Variants in GRM7 observed in about 807,000 individuals in gnomAD.
GRM7 encodes the protein metabotropic glutamate receptor 7.
GRM7 carries 35 observed loss-of-function variants against 84.5 expected under a neutral mutation model. The ratio of observed to expected loss-of-function variants is 0.41; its 90% CI spans 0.32 to 0.55. GRM7 has a LOEUF of 0.55. GRM7 is among the 20% of genes least tolerant of loss of function. The pLI, the probability that GRM7 is intolerant of heterozygous loss-of-function variation, is 0.19. For missense variants in GRM7, 1,003 were observed against 1,194.6 expected (o/e 0.84, Z 2.36); for synonymous variants, 487 against 455.1 (o/e 1.07, Z -0.89).
chr3:7,224,810 G>A (rs1044621802), intron 2 of GRM7, among the ~76,000 whole-genome samples: 1 of 152,056 alleles, frequency 6.6e-6, no homozygotes. Context: ...TGTAGTGGGA[G>A]GGGTGCAAGG....
chr3:7,686,559 G>A, intron 9 of GRM7: 2 of 600,798 alleles, frequency 3.3e-6, no homozygotes. Flanking sequence ...TCTATAGGAA[G>A]AAATGAATTT....
intron 1 of GRM7, among the ~76,000 whole-genome samples, chr3:6,951,276 T>A (rs896566690): frequency 1.3e-5 from 2 of 152,236 alleles, no homozygotes; most frequent in African/African-American, 2.4e-5. Context: ...TTAAAATTTT[T>A]ATACTATCAT....
chr3:7,026,426 T>A (rs969362342), intron 1 of GRM7, among the ~76,000 whole-genome samples: 1 of 152,258 alleles, frequency 6.6e-6, no homozygotes, highest in Non-Finnish European at 1.5e-5. Context: ...CACTTACTCT[T>A]GATTATAAAT....
chr3:7,736,013 A>T (rs1437431946), intron 9 of GRM7, among the ~76,000 whole-genome samples: 1 of 152,174 alleles, frequency 6.6e-6, no homozygotes, highest in Non-Finnish European at 1.5e-5. Flanking sequence ...GTGTTGTCTG[A>T]GAGTTCTCAC....
At chr3:7,639,027 A>G (rs1235288733) in intron 8 of GRM7, among the ~76,000 whole-genome samples, 3 of 152,050 alleles carry the variant, frequency 2.0e-5, no homozygotes, top group Non-Finnish European at 4.4e-5. Flanking sequence ...ATTATTTTCC[A>G]TTTCCTAATT....
chr3:7,110,562 TCCA>T (rs1692810202), intron 1 of GRM7, among the ~76,000 whole-genome samples: 1 of 150,540 alleles, frequency 6.6e-6, no homozygotes, highest in Admixed American at 6.7e-5. Flanking sequence ...GCCACTATAC[TCCA>T]ACCTGGGCAA....
At chr3:7,688,452 AATAATT>A (rs1459736337) in intron 9 of GRM7, among the ~76,000 whole-genome samples, 1 of 152,056 alleles carries the variant, frequency 6.6e-6, no homozygotes, top group Non-Finnish European at 1.5e-5. Context: ...AAATACAAAT[AATAATT>A]ATATTTGGTT....
chr3:7,439,657 A>G (rs1382970254), intron 5 of GRM7, among the ~76,000 whole-genome samples: 2 of 152,184 alleles, frequency 1.3e-5, no homozygotes, highest in Non-Finnish European at 2.9e-5. Flanking sequence ...ACAGGGAGAA[A>G]CAAATTAGAG....
At position 7,124,849 on chromosome 3, in the gene GRM7, C is replaced by T. The variant is rs181406200; in HGVS notation, c.520-21603C>T. Among the ~76,000 whole-genome samples the T allele has an allele frequency of 2.0e-4, 30 of 152,282 alleles. No individual in the cohort carries two copies. The East Asian group carries it at 4.6e-3, about 24-fold the overall frequency. ...ATATCTTATATTTCATGATTTAAAA[C>T]ATTAATGAAATATAGCCATGTTCCA... On this transcript the variant is annotated intron_variant, in intron 1 of 9. Coordinates refer to ENST00000357716, the MANE Select transcript of GRM7 (RefSeq NM_000844.4).
chr3:7,447,169 C>T lies in GRM7; in HGVS notation c.1175-5438C>T, dbSNP rs143786668. Among the ~76,000 whole-genome samples, 17 of 152,112 alleles carry T rather than the reference C, an allele frequency of 1.1e-4. No homozygotes were observed. In the East Asian group the frequency reaches 3.3e-3, roughly 29 times the overall value. ...TTTTATCTAAACCGCAGACTCTTTC[C>T]TAGAAAACGTGATGAAAAGGATGAA... On this transcript the variant is annotated intron_variant, in intron 5 of 9. Transcript: ENST00000357716.
intron 7 of GRM7, among the ~76,000 whole-genome samples, chr3:7,540,070 A>G (rs1444978110): frequency 6.6e-6 from 1 of 152,260 alleles, no homozygotes; most frequent in Non-Finnish European, 1.5e-5. Context: ...TAATCAAAAG[A>G]CAGACTATAA....
rs180924684 is a variant in GRM7 at position 6,918,296 on chromosome 3, C to G, written c.519+56389C>G. Among the ~76,000 whole-genome samples the G allele has an allele frequency of 1.7e-4, 26 of 152,234 alleles. 1 individual carries two copies. The East Asian group carries it at 4.6e-3, about 27-fold the overall frequency. On this transcript the variant is annotated intron_variant, in intron 1 of 9. Coordinates refer to ENST00000357716, the MANE Select transcript of GRM7 (RefSeq NM_000844.4). ...CTTAAGCCTTCAGTTCATTTTTACACGAGAATTTTTGCCTATCGCCTTGTA... is the reference window on the plus strand; with the variant it reads ...CTTAAGCCTTCAGTTCATTTTTACAGGAGAATTTTTGCCTATCGCCTTGTA...
In GRM7 at chr3:7,492,954, A is replaced by G. The variant is rs898060291; in HGVS notation, c.1515+31232A>G. 4.0e-5 allele frequency among the ~76,000 whole-genome samples: 6 copies of G among 151,890 alleles called. 1 individual carries two copies. In the East Asian group the frequency reaches 1.2e-3, roughly 29 times the overall value. ...TAATTCATTAATTATTTACAAGTGT[A>G]TTGTTTAATTGCTACACATTGAGAG... On this transcript the variant is annotated intron_variant, in intron 7 of 9. Transcript: ENST00000357716.
intron 2 of GRM7, among the ~76,000 whole-genome samples, chr3:7,167,095 T>C (rs1005667983): frequency 5.3e-5 from 8 of 152,252 alleles, no homozygotes; most frequent in African/African-American, 1.9e-4. Flanking sequence ...CACTGTTCTA[T>C]TGGTAATGGA....
At position 6,862,739 on chromosome 3, in the gene GRM7, A is replaced by G. The variant is rs900599144; in HGVS notation, c.519+832A>G. The G allele has an allele frequency of 4.0e-6, 1 of 247,930 alleles. No individual in the cohort carries two copies. The highest frequency in any genetic ancestry group is 7.9e-6 in the Non-Finnish European group (1 of 125,906). The allele number at this position is 247,930 out of a possible 1,614,324, so 15.4% of individuals were successfully genotyped here. On this transcript the variant is annotated intron_variant, in intron 1 of 9. Coordinates refer to ENST00000357716, the MANE Select transcript of GRM7 (RefSeq NM_000844.4). This position sits in a 1 kb window ranked among gnomAD's most constrained non-coding sequence, Gnocchi z 5.2. ...CTCCCTCCTCCCCCCCGCCCCCCTCACCCACTATCTCCCTGACGCAGACCC... is the reference window on the plus strand; with the variant it reads ...CTCCCTCCTCCCCCCCGCCCCCCTCGCCCACTATCTCCCTGACGCAGACCC...
At chr3:7,281,906 C>G (rs1440737304) in intron 2 of GRM7, among the ~76,000 whole-genome samples, 2 of 152,150 alleles carry the variant, frequency 1.3e-5, no homozygotes, top group African/African-American at 2.4e-5. Context: ...CAGGGTGAAA[C>G]CCCGTCCCTA....
At position 7,486,955 on chromosome 3, in the gene GRM7, A is replaced by G. The variant is rs959650079; in HGVS notation, c.1515+25233A>G. 1.3e-5 allele frequency among the ~76,000 whole-genome samples: 2 copies of G among 152,180 alleles called. No individual in the cohort carries two copies. Among genetic ancestry groups the G allele is most frequent in the Non-Finnish European group, 2.9e-5 (2 of 68,040 alleles). On this transcript the variant is annotated intron_variant, in intron 7 of 9. Coordinates refer to ENST00000357716, the MANE Select transcript of GRM7 (RefSeq NM_000844.4). The surrounding 1 kb of genome is among the most constrained non-coding windows in gnomAD (Gnocchi z 5.5). ...CTAGGGAAAGTTTGGAACTTCTTAG[A>G]GATTAGTTAAGTTGTGGTGACTGAA...
intron 2 of GRM7, among the ~76,000 whole-genome samples, chr3:7,237,883 G>A (rs1039358480): frequency 2.0e-5 from 3 of 152,054 alleles, no homozygotes; most frequent in African/African-American, 7.2e-5. Context: ...CAAACCTTTA[G>A]CTAGACACAG....
At chr3:7,243,523 T>C (rs1291974915) in intron 2 of GRM7, among the ~76,000 whole-genome samples, 2 of 151,870 alleles carry the variant, frequency 1.3e-5, no homozygotes, top group South Asian at 4.2e-4. Flanking sequence ...TTTCCTAGAG[T>C]TTCTATAAAA....
Sources: gnomAD v4.1 joint callset for allele counts (sites outside exome capture counted in the v4.1 genomes callset) on GRCh38, gnomAD v4.1.1 for gene constraint, Gnocchi (gnomAD v3.1) non-coding constraint, MANE v1.5 for transcripts, NCBI Gene and HGNC (gene_info 2026-07-23, HGNC 2026-07-21) for gene names.